The following CDH8 variants were observed in gnomAD, a reference collection of about 807,000 sequenced individuals.
The protein encoded by CDH8 is cadherin-8.
In CDH8, 17 loss-of-function variants were observed where a neutral mutation model predicts 68.1. The ratio of observed to expected loss-of-function variants is 0.25; its 90% CI spans 0.17 to 0.37. CDH8 has a LOEUF of 0.37. Among genes scored for constraint, CDH8 ranks in the 10% least tolerant of loss-of-function variants. The pLI is 1.00. For synonymous variants in CDH8, 372 were observed against 365.1 expected (o/e 1.02, Z -0.21); for missense variants, 763 against 999.3 (o/e 0.76, Z 3.19).
intron 8 of CDH8, among the ~76,000 whole-genome samples, chr16:61,773,758 G>T (rs533233485): frequency 6.6e-6 from 1 of 152,224 alleles, no homozygotes; most frequent in Non-Finnish European, 1.5e-5. Flanking sequence ...AGAATTGGCA[G>T]CCATAAAAGG....
chr16:61,779,455 G>GTGTT (rs1288248727), intron 8 of CDH8, among the ~76,000 whole-genome samples: 5 of 149,644 alleles, frequency 3.3e-5, no homozygotes, highest in Non-Finnish European at 7.4e-5. Context: ...GTGTGTGTGT[G>GTGTT]TGTGTGTGTG....
At chr16:61,766,015 G>A (rs1960580590) in intron 8 of CDH8, among the ~76,000 whole-genome samples, 1 of 151,844 alleles carries the variant, frequency 6.6e-6, no homozygotes, top group Non-Finnish European at 1.5e-5. Context: ...AATAGCTTTA[G>A]GTTTACAGGT....
rs535831957 is a variant in CDH8 at position 61,729,948 on chromosome 16, A to G, written c.1415-2733T>C. 9.2e-5 allele frequency among the ~76,000 whole-genome samples: 14 copies of G among 151,450 alleles called. No individual in the cohort carries two copies. The South Asian group carries it at 2.9e-3, about 31-fold the overall frequency. The stretch of plus-strand genomic sequence containing the variant: ...TTAGGCCAAGTCAACTATGTATGAT[A>G]TTATTCTTTGTTTTCCTTATCTTTA... On this transcript the variant is annotated intron_variant, in intron 8 of 11. Transcript: ENST00000577390.
chr16:61,840,813 T>C (rs1157182748), intron 4 of CDH8, among the ~76,000 whole-genome samples: 7 of 152,188 alleles, frequency 4.6e-5, no homozygotes, highest in Non-Finnish European at 7.4e-5. Context: ...AGCTAATGCA[T>C]GTGGGGCTTA....
chr16:61,742,794 A>G (rs1240054965), intron 8 of CDH8, among the ~76,000 whole-genome samples: 2 of 152,100 alleles, frequency 1.3e-5, no homozygotes, highest in East Asian at 1.9e-4. Flanking sequence ...AGGTTTTAGC[A>G]TTAAGATTAC....
At chr16:61,999,719 T>A (rs2150595573) in intron 2 of CDH8, among the ~76,000 whole-genome samples, 1 of 152,178 alleles carries the variant, frequency 6.6e-6, no homozygotes, top group African/African-American at 2.4e-5. Context: ...TCTCTGATGT[T>A]TATATTGTGC....
At chr16:61,874,766 C>T (rs767247909) in intron 3 of CDH8, among the ~76,000 whole-genome samples, 3 of 152,092 alleles carry the variant, frequency 2.0e-5, no homozygotes, top group Non-Finnish European at 4.4e-5. Flanking sequence ...TGCTTTTTTA[C>T]CTGTGAGGCA....
At chr16:61,724,436 T>C (rs1959283917) in intron 9 of CDH8, among the ~76,000 whole-genome samples, 1 of 150,744 alleles carries the variant, frequency 6.6e-6, no homozygotes, top group Non-Finnish European at 1.5e-5. Flanking sequence ...GTGAGCCGTT[T>C]TGAAAACCTC....
chr16:61,783,588 G>A (rs1157214849), intron 8 of CDH8, among the ~76,000 whole-genome samples: 11 of 149,992 alleles, frequency 7.3e-5, no homozygotes, highest in South Asian at 2.1e-4. Context: ...TACAGAGAAC[G>A]CCACAAAGAT....
intron 2 of CDH8, among the ~76,000 whole-genome samples, chr16:62,017,403 G>A (rs115789603): frequency 0.018 from 2,792 of 152,194 alleles, 58 homozygotes; most frequent in African/African-American, 0.046. Context: ...CTTTCAGGCC[G>A]GGCACAGTGG....
At chr16:61,907,382 C>T (rs1964079422) in intron 2 of CDH8, among the ~76,000 whole-genome samples, 1 of 152,114 alleles carries the variant, frequency 6.6e-6, no homozygotes, top group Non-Finnish European at 1.5e-5. Context: ...GGGAAAGTTT[C>T]TCCAAGTACC....
At chr16:61,939,216 C>T (rs1964674823) in intron 2 of CDH8, among the ~76,000 whole-genome samples, 2 of 152,130 alleles carry the variant, frequency 1.3e-5, no homozygotes, top group Non-Finnish European at 2.9e-5. Context: ...CTATTTATCA[C>T]AACAATTCAA....
intron 10 of CDH8, among the ~76,000 whole-genome samples, chr16:61,691,391 A>G (rs1351875275): frequency 6.6e-6 from 1 of 151,036 alleles, no homozygotes; most frequent in African/African-American, 2.4e-5. Flanking sequence ...GTTTTCTTGC[A>G]TTAGAGTGCC....
intron 10 of CDH8, among the ~76,000 whole-genome samples, chr16:61,687,055 T>G (rs1490695713): frequency 6.6e-6 from 1 of 152,114 alleles, no homozygotes; most frequent in Non-Finnish European, 1.5e-5. Context: ...TACGGTACTG[T>G]AAACTTTAAA....
rs145193173 is a variant in CDH8 at position 61,954,483 on chromosome 16, C to T, written c.253-53010G>A. Among the ~76,000 whole-genome samples the T allele has an allele frequency of 1.6e-4, 24 of 152,056 alleles. 1 individual carries two copies. The East Asian group carries it at 4.7e-3, about 30-fold the overall frequency. On this transcript the variant is annotated intron_variant, in intron 2 of 11. Transcript: ENST00000577390. ...TTGGGAGGCCGAGGCGGGTGGATCA[C>T]AAGGTCAGGAGATTGAGGCCATCCT...
At chr16:61,844,743 G>A (rs187129612) in intron 4 of CDH8, among the ~76,000 whole-genome samples, 1 of 152,154 alleles carries the variant, frequency 6.6e-6, no homozygotes, top group African/African-American at 2.4e-5. Flanking sequence ...ATGGGTCAGG[G>A]TGGGTTCCTT....
chr16:61,854,497 A>G (rs1043369405), intron 4 of CDH8, among the ~76,000 whole-genome samples: 1 of 152,080 alleles, frequency 6.6e-6, no homozygotes, highest in South Asian at 2.1e-4. Flanking sequence ...GCATTTGATA[A>G]GAGGAACTTC....
At position 61,860,416 on chromosome 16, in the gene CDH8, T is replaced by G. The variant is rs1050301049; in HGVS notation, c.548-3178A>C. Among the ~76,000 whole-genome samples, 2 of 152,156 alleles carry G rather than the reference T, an allele frequency of 1.3e-5. 1 individual carries two copies. The highest frequency in any genetic ancestry group is 2.9e-5 in the Non-Finnish European group (2 of 68,036). On this transcript the variant is annotated intron_variant, in intron 3 of 11. Transcript: ENST00000577390. The stretch of plus-strand genomic sequence containing the variant: ...TTGCAACTTTTCTGTAAGTCTAAAA[T>G]TAGTCCAAAAATTAAAGAAAAAGAA...
intron 5 of CDH8, among the ~76,000 whole-genome samples, chr16:61,821,620 T>C (rs1262220881): frequency 6.6e-6 from 1 of 152,054 alleles, no homozygotes; most frequent in Non-Finnish European, 1.5e-5. Flanking sequence ...ACTGAACTTC[T>C]GCTGTGCCCT....
Sources: gnomAD v4.1 joint callset for allele counts (sites outside exome capture counted in the v4.1 genomes callset) on GRCh38, gnomAD v4.1.1 for gene constraint, MANE v1.5 for transcripts, NCBI Gene and HGNC (gene_info 2026-07-23, HGNC 2026-07-21) for gene names.